Variants in MGST1 observed in about 807,000 individuals in gnomAD.
The protein encoded by MGST1 is glutathione S-transferase 12.
In MGST1, 5 loss-of-function variants were observed where a neutral mutation model predicts 8.9. The ratio of observed to expected loss-of-function variants is 0.56; its 90% CI spans 0.29 to 1.19. The LOEUF (loss-of-function observed/expected upper bound fraction) is 1.19, where lower values mean the gene tolerates loss of function less well. Among genes scored for constraint, MGST1 ranks in the 50% most tolerant of loss-of-function variants. The probability of loss-of-function intolerance (pLI) is 0.08; values close to 1 mark genes in which losing one functional copy is unlikely to be tolerated. For synonymous variants in MGST1, 54 were observed against 67.8 expected, an observed-to-expected ratio of 0.80 and a Z score of 1.00; for missense variants, 182 against 187.4, an observed-to-expected ratio of 0.97 and a Z score of 0.17.
chr12:16,400,020 G>A, intron 1 of MGST1: 1 of 1,556,100 alleles, frequency 6.4e-7, no homozygotes, highest in Non-Finnish European at 8.9e-7. Context: ...TAAATCCCAA[G>A]TCCCTAAAAG....
chr12:16,447,540 G>A (rs1347904362), intron 4 of MGST1, among the ~76,000 whole-genome samples: 2 of 151,896 alleles, frequency 1.3e-5, no homozygotes, highest in East Asian at 1.9e-4. Context: ...GAAAACTTTG[G>A]GGAACCCAAA....
rs1336184422 is a variant in MGST1 at position 16,586,677 on chromosome 12, A to G, written n.483-2851A>G. On this transcript the variant is annotated intron_variant and non_coding_transcript_variant, in intron 4 of 4. Coordinates refer to the MGST1 transcript ENST00000538857. This position sits in a 1 kb window ranked among gnomAD's most constrained non-coding sequence, Gnocchi z 4.3. ...ATAAGGCTATACCGTCGGGGTAGAG[A>G]TTTCAAGATACACATCTTTTGACCC... 6.6e-6 allele frequency among the ~76,000 whole-genome samples: 1 copy of G among 152,126 alleles called. No individual in the cohort carries two copies. Among genetic ancestry groups the G allele is most frequent in the Non-Finnish European group, 1.5e-5 (1 of 68,032 alleles).
intron 4 of MGST1, among the ~76,000 whole-genome samples, chr12:16,558,993 T>C (rs1420078102): frequency 1.3e-5 from 2 of 152,150 alleles, no homozygotes; most frequent in African/African-American, 2.4e-5. Flanking sequence ...AGCTAATATA[T>C]GGTGGTGCTG....
At chr12:16,461,375 A>G (rs1941220087) in intron 4 of MGST1, among the ~76,000 whole-genome samples, 1 of 152,106 alleles carries the variant, frequency 6.6e-6, no homozygotes, top group African/African-American at 2.4e-5. Context: ...ATCTTGTCAG[A>G]CTCACTAAGG....
intron 4 of MGST1, among the ~76,000 whole-genome samples, chr12:16,520,917 G>A (rs1212755697): frequency 5.3e-5 from 8 of 152,034 alleles, no homozygotes; most frequent in South Asian, 2.1e-4. Context: ...CATTTCCTTG[G>A]TGAAGGTCAC....
intron 4 of MGST1, among the ~76,000 whole-genome samples, chr12:16,521,027 A>G (rs1275878693): frequency 6.6e-6 from 1 of 152,098 alleles, no homozygotes; most frequent in Non-Finnish European, 1.5e-5. Context: ...TCCAGTCATG[A>G]TGCCCTATAG....
chr12:16,569,251 C>T (rs1591791116), intron 4 of MGST1, among the ~76,000 whole-genome samples: 2 of 152,152 alleles, frequency 1.3e-5, no homozygotes, highest in Non-Finnish European at 2.9e-5. Context: ...AGCAAGAGAA[C>T]CTATATCCCT....
chr12:16,512,722 C>T (rs770409256), intron 4 of MGST1, among the ~76,000 whole-genome samples: 10 of 152,156 alleles, frequency 6.6e-5, no homozygotes, highest in Non-Finnish European at 1.3e-4. Context: ...ATCATCAGTG[C>T]GCTTTTTCAA....
At chr12:16,453,024 A>T (rs1941142538) in intron 4 of MGST1, among the ~76,000 whole-genome samples, 1 of 151,988 alleles carries the variant, frequency 6.6e-6, no homozygotes, top group Non-Finnish European at 1.5e-5. Flanking sequence ...ATTTAACAGG[A>T]TTCACATCCT....
chr12:16,592,539 C>T (rs1054130114), downstream of MGST1, among the ~76,000 whole-genome samples: 1 of 151,952 alleles, frequency 6.6e-6, no homozygotes, highest in African/African-American at 2.4e-5. Context: ...CTAATACTTG[C>T]ATGAAGTTAC....
chr12:16,539,295 C>G (rs1941778775), intron 4 of MGST1, among the ~76,000 whole-genome samples: 1 of 151,660 alleles, frequency 6.6e-6, no homozygotes. Context: ...TAAAATGTAC[C>G]CTACGATTTT....
intron 4 of MGST1, among the ~76,000 whole-genome samples, chr12:16,479,347 G>A (rs1941348697): frequency 6.9e-6 from 1 of 145,030 alleles, no homozygotes; most frequent in South Asian, 2.1e-4. Flanking sequence ...CCATTCTCCT[G>A]CCTCAGCCTC....
intron 4 of MGST1, among the ~76,000 whole-genome samples, chr12:16,514,964 A>G (rs1217026164): frequency 6.6e-6 from 1 of 152,174 alleles, no homozygotes; most frequent in Non-Finnish European, 1.5e-5. Flanking sequence ...ACACAAGGAA[A>G]CCTGTCAATT....
In MGST1 at chr12:16,533,898, T is replaced by C. The variant is rs77336212; in HGVS notation, n.483-55630T>C. ...GTTAATGTTTGCCGGGAAGAGAAAA[T>C]AAACAGGATATTCCAGGCAGAGGGA... On this transcript the variant is annotated intron_variant and non_coding_transcript_variant, in intron 4 of 4. Transcript: ENST00000538857. Among the ~76,000 whole-genome samples the C allele has an allele frequency of 1.1e-3, 169 of 151,642 alleles. 3 individuals are homozygous for C. In the East Asian group the frequency reaches 0.029, roughly 26 times the overall value.
At chr12:16,541,520 C>T (rs1366175713) in intron 4 of MGST1, among the ~76,000 whole-genome samples, 1 of 152,178 alleles carries the variant, frequency 6.6e-6, no homozygotes, top group African/African-American at 2.4e-5. Context: ...CTAATAAGAA[C>T]TAAGCCTTCC....
intron 1 of MGST1, among the ~76,000 whole-genome samples, chr12:16,390,717 G>A (rs536541583): frequency 2.6e-5 from 4 of 152,114 alleles, no homozygotes; most frequent in African/African-American, 9.6e-5. Flanking sequence ...TCATTGATGA[G>A]CATTTAGGTT....
chr12:16,591,274 T>A (rs1216370929), downstream of MGST1, among the ~76,000 whole-genome samples: 1 of 151,996 alleles, frequency 6.6e-6, no homozygotes, highest in Non-Finnish European at 1.5e-5. The surrounding 1 kb of genome is among the most constrained non-coding windows in gnomAD (Gnocchi z 4.1). Context: ...TTGTACTGGA[T>A]GTTCCTGAGC....
rs1259429793 is a variant in MGST1 at position 16,576,408 on chromosome 12, C to T, written n.483-13120C>T. Among the ~76,000 whole-genome samples the T allele has an allele frequency of 6.6e-6, 1 of 152,206 alleles. No individual in the cohort carries two copies. On this transcript the variant is annotated intron_variant and non_coding_transcript_variant, in intron 4 of 4. Transcript: ENST00000538857. The surrounding 1 kb of genome is among the most constrained non-coding windows in gnomAD (Gnocchi z 4.1). ...ACCACTCCTGCCTGCTGAGTTCCTA[C>T]TAAATCTATTCTTCCTGGAAGACTA...
Position 16,582,911 on chromosome 12 carries a change from G to C in MGST1, n.483-6617G>C, listed in dbSNP as rs1449175450. On this transcript the variant is annotated intron_variant and non_coding_transcript_variant, in intron 4 of 4. Transcript: ENST00000538857. This position sits in a 1 kb window ranked among gnomAD's most constrained non-coding sequence, Gnocchi z 4.1. ...AAAATAAAAAAATTAGCCGGGAGTG[G>C]TGGCATGCACCTGTAATCCCAGCTA... Among the ~76,000 whole-genome samples, 1 of 152,022 alleles carries C rather than the reference G, an allele frequency of 6.6e-6. No homozygotes were observed. The highest frequency in any genetic ancestry group is 6.6e-5 in the Admixed American group (1 of 15,252).
Sources: gnomAD v4.1 joint callset for allele counts (sites outside exome capture counted in the v4.1 genomes callset) on GRCh38, gnomAD v4.1.1 for gene constraint, Gnocchi (gnomAD v3.1) non-coding constraint, MANE v1.5 for transcripts, NCBI Gene and HGNC (gene_info 2026-07-23, HGNC 2026-07-21) for gene names.